The following FSHR variants were observed in gnomAD, a reference collection of about 807,000 sequenced individuals.
FSHR encodes follicle stimulating hormone receptor.
A neutral mutation model predicts 52.1 loss-of-function variants in FSHR; 46 were observed. That is an observed-to-expected ratio of 0.88 (90% CI 0.70 to 1.13). The LOEUF is 1.13. FSHR is among the 50% of genes most tolerant of loss of function. The pLI is 0.00. For synonymous variants in FSHR, 399 were observed against 309.6 expected, an observed-to-expected ratio of 1.29 and a Z score of -3.03; for missense variants, 964 against 834.6, an observed-to-expected ratio of 1.16 and a Z score of -1.91.
At chr2:49,132,255 G>C (rs906534577) in intron 1 of FSHR, among the ~76,000 whole-genome samples, 1 of 152,118 alleles carries the variant, frequency 6.6e-6, no homozygotes, top group Non-Finnish European at 1.5e-5. Context: ...CTTGTTTTCC[G>C]TTTGGCACAA....
chr2:49,151,763 T>TA, intron 1 of FSHR, among the ~76,000 whole-genome samples: 1 of 152,126 alleles, frequency 6.6e-6, no homozygotes, highest in African/African-American at 2.4e-5. Flanking sequence ...TAGAGATACT[T>TA]AGTTGAACAG....
intron 2 of FSHR, among the ~76,000 whole-genome samples, chr2:49,065,694 T>C (rs1406606611): frequency 1.3e-5 from 2 of 151,968 alleles, no homozygotes; most frequent in Non-Finnish European, 1.5e-5. Flanking sequence ...CAGATGAAAG[T>C]TTAGGAACCC....
chr2:49,003,274 G>A (rs1922469), intron 4 of FSHR, among the ~76,000 whole-genome samples: 116,206 of 152,124 alleles, frequency 0.76, 44,466 homozygotes, highest in Admixed American at 0.81. Context: ...CAACCACTCC[G>A]GCCCACATTC....
intron 2 of FSHR, among the ~76,000 whole-genome samples, chr2:49,022,591 G>T (rs532416132): frequency 1.3e-5 from 2 of 152,188 alleles, no homozygotes; most frequent in South Asian, 2.1e-4. Flanking sequence ...TTGTGAGGTT[G>T]GTATTTTGGT....
chr2:48,990,643 G>A lies in FSHR; in HGVS notation c.375-6C>T, dbSNP rs779369514. 5.1e-6 allele frequency: 8 copies of A among 1,578,316 alleles called. No individual in the cohort carries two copies. Among genetic ancestry groups the A allele is most frequent in the Admixed American group, 1.7e-5 (1 of 59,986 alleles). On this transcript the variant is annotated splice_polypyrimidine_tract_variant and splice_region_variant and intron_variant, in intron 4 of 9. Transcript: ENST00000406846. ...TACCTGTGTTGGATATTAACCTAGA[G>A]AGAAACAAAATGAGAGTGAGTGAAA... is the stretch of plus-strand genomic sequence containing the variant.
At chr2:49,133,754 A>G (rs865973320) in intron 1 of FSHR, among the ~76,000 whole-genome samples, 12 of 152,208 alleles carry the variant, frequency 7.9e-5, no homozygotes, top group Non-Finnish European at 1.0e-4. Flanking sequence ...GAGCCCTCAG[A>G]AATAATACCA....
chr2:49,005,935 G>A lies in FSHR; in HGVS notation c.374+11554C>T, dbSNP rs111488648. 8.6e-3 allele frequency among the ~76,000 whole-genome samples: 1,306 copies of A among 152,210 alleles called. 8 individuals carry two copies. The highest frequency in any genetic ancestry group is 0.015 in the Non-Finnish European group (990 of 67,996). ...GCAGACCCACCCTTAATCTGAGTGG[G>A]TACCATCTAATCAGCTGCCAGCATG... On this transcript the variant is annotated intron_variant, in intron 4 of 9. Coordinates refer to ENST00000406846, the MANE Select transcript of FSHR (RefSeq NM_000145.4).
At chr2:49,151,511 G>C (rs768218396) in intron 1 of FSHR, among the ~76,000 whole-genome samples, 11 of 152,006 alleles carry the variant, frequency 7.2e-5, no homozygotes, top group Admixed American at 1.3e-4. Flanking sequence ...GCAATCTTTC[G>C]TGATAGCTGG....
At position 49,020,169 on chromosome 2, in the gene FSHR, A is replaced by T. The variant is rs772576285; in HGVS notation, c.225-9T>A. On this transcript the variant is annotated splice_polypyrimidine_tract_variant and intron_variant, in intron 2 of 9. Transcript: ENST00000406846. ...CATTCTGAGAGATCTCTCTGTGGAGAAAAAAATATATAAGTCAAGCCAGTT... is the reference window on the plus strand; with the variant it reads ...CATTCTGAGAGATCTCTCTGTGGAGTAAAAAATATATAAGTCAAGCCAGTT... The T allele has an allele frequency of 1.7e-5, 28 of 1,607,564 alleles. No individual in the cohort carries two copies. The South Asian group carries it at 3.1e-4, about 18-fold the overall frequency.
At chr2:49,096,220 A>G (rs1202477423) in intron 1 of FSHR, among the ~76,000 whole-genome samples, 2 of 152,216 alleles carry the variant, frequency 1.3e-5, no homozygotes, top group African/African-American at 4.8e-5. Flanking sequence ...ATATTCATCA[A>G]TGAATGAATG....
At chr2:49,125,967 G>C (rs1213506419) in intron 1 of FSHR, among the ~76,000 whole-genome samples, 1 of 152,072 alleles carries the variant, frequency 6.6e-6, no homozygotes, top group Non-Finnish European at 1.5e-5. Flanking sequence ...ATAGACACTG[G>C]GTCTTCTAGC....
intron 9 of FSHR, among the ~76,000 whole-genome samples, chr2:48,965,488 C>T (rs1674432631): frequency 6.6e-6 from 1 of 152,178 alleles, no homozygotes; most frequent in South Asian, 2.1e-4. Flanking sequence ...GTGAGGCAAG[C>T]TCCATAATGG....
intron 1 of FSHR, among the ~76,000 whole-genome samples, chr2:49,083,758 A>G (rs941269288): frequency 6.8e-6 from 1 of 147,836 alleles, no homozygotes; most frequent in African/African-American, 2.5e-5. Flanking sequence ...AGGCCATTAC[A>G]TAATGGTAAA....
At chr2:49,021,340 T>C (rs1667688957) in intron 2 of FSHR, among the ~76,000 whole-genome samples, 2 of 152,082 alleles carry the variant, frequency 1.3e-5, no homozygotes, top group South Asian at 2.1e-4. Flanking sequence ...TCAGTTAATA[T>C]TTATAAAGTG....
intron 4 of FSHR, among the ~76,000 whole-genome samples, chr2:49,014,166 A>G (rs528227464): frequency 6.6e-6 from 1 of 152,176 alleles, no homozygotes; most frequent in African/African-American, 2.4e-5. Context: ...TGACTAAGAA[A>G]ATGATATGCT....
chr2:48,974,838 C>G (rs1312952176), intron 8 of FSHR, among the ~76,000 whole-genome samples: 1 of 151,902 alleles, frequency 6.6e-6, no homozygotes, highest in Non-Finnish European at 1.5e-5. Flanking sequence ...CTTTTTTGCT[C>G]TGTTCTCCTA....
chr2:49,060,124 G>C (rs1369908094), intron 2 of FSHR, among the ~76,000 whole-genome samples: 1 of 152,010 alleles, frequency 6.6e-6, no homozygotes, highest in Non-Finnish European at 1.5e-5. Flanking sequence ...AATCATCAGA[G>C]AAATGCAAAT....
intron 1 of FSHR, among the ~76,000 whole-genome samples, chr2:49,122,213 A>G (rs1671842159): frequency 6.6e-6 from 1 of 152,152 alleles, no homozygotes; most frequent in Non-Finnish European, 1.5e-5. Context: ...TTCATGATGG[A>G]AAGAAAGAGC....
At chr2:49,141,180 A>G (rs1672671657) in intron 1 of FSHR, among the ~76,000 whole-genome samples, 1 of 152,164 alleles carries the variant, frequency 6.6e-6, no homozygotes, top group South Asian at 2.1e-4. Context: ...CTATTTATTC[A>G]CAACCCCACT....
Sources: allele counts gnomAD v4.1 joint callset (sites outside exome capture counted in the v4.1 genomes callset), GRCh38; gene constraint gnomAD v4.1.1; transcripts MANE v1.5; gene names NCBI Gene and HGNC (gene_info 2026-07-23, HGNC 2026-07-21).